SAMMSON: variants seen among roughly 807,000 people sequenced by gnomAD.
SAMMSON encodes the protein long intergenic non-protein coding RNA 1212.
intron 4 of SAMMSON, among the ~76,000 whole-genome samples, chr3:70,186,130 T>A (rs570874698): frequency 5.9e-5 from 9 of 152,344 alleles, no homozygotes; most frequent in Admixed American, 5.2e-4. Flanking sequence ...TCACAATGTA[T>A]GTCACACGAA....
intron 4 of SAMMSON, among the ~76,000 whole-genome samples, chr3:70,180,516 A>T (rs892585528): frequency 6.6e-6 from 1 of 152,136 alleles, no homozygotes; most frequent in Non-Finnish European, 1.5e-5. Context: ...GGCCTTAGAA[A>T]ACAGAAACCT....
chr3:70,008,329 T>A (rs926557907), intron 1 of SAMMSON, among the ~76,000 whole-genome samples: 11 of 152,162 alleles, frequency 7.2e-5, no homozygotes, highest in African/African-American at 2.7e-4. Context: ...CATTGAGCGG[T>A]GGTTTGTAGT....
At chr3:70,352,978 CA>C (rs1287003672) in intron 7 of SAMMSON, among the ~76,000 whole-genome samples, 6 of 151,844 alleles carry the variant, frequency 4.0e-5, no homozygotes, top group African/African-American at 7.2e-5. Context: ...TTCAATGGAA[CA>C]AAAAGATAAA....
intron 4 of SAMMSON, among the ~76,000 whole-genome samples, chr3:70,171,018 T>A (rs1576142879): frequency 6.6e-6 from 1 of 151,850 alleles, no homozygotes; most frequent in Admixed American, 6.6e-5. Context: ...ACATATGGAC[T>A]CAAGTAACTT....
chr3:70,220,861 G>C (rs1289076588), intron 4 of SAMMSON, among the ~76,000 whole-genome samples: 2 of 152,128 alleles, frequency 1.3e-5, no homozygotes, highest in African/African-American at 4.8e-5. Context: ...AGTTGTAAGT[G>C]TGTCTTTCCC....
intron 7 of SAMMSON, among the ~76,000 whole-genome samples, chr3:70,330,415 T>A (rs1265254715): frequency 6.6e-6 from 1 of 152,020 alleles, no homozygotes; most frequent in African/African-American, 2.4e-5. Context: ...AGACAAGCTA[T>A]CTTTATCTAT....
chr3:70,184,446 A>G (rs11917876), intron 4 of SAMMSON, among the ~76,000 whole-genome samples: 2,113 of 152,308 alleles, frequency 0.014, 52 homozygotes, highest in African/African-American at 0.048. Flanking sequence ...CTGAAATATT[A>G]TCACTTAGGT....
At chr3:70,086,888 G>A (rs2067287406) in intron 4 of SAMMSON, among the ~76,000 whole-genome samples, 1 of 152,126 alleles carries the variant, frequency 6.6e-6, no homozygotes, top group Non-Finnish European at 1.5e-5. Context: ...ACAATCCCAG[G>A]AGGCATTATT....
intron 9 of SAMMSON, among the ~76,000 whole-genome samples, chr3:70,373,865 T>A (rs908417102): frequency 2.0e-5 from 3 of 152,226 alleles, no homozygotes; most frequent in African/African-American, 7.2e-5. Context: ...AAAATTGTTT[T>A]AAGTATGTAC....
At chr3:70,000,833 T>C (rs1273876093) in intron 1 of SAMMSON, among the ~76,000 whole-genome samples, 1 of 152,168 alleles carries the variant, frequency 6.6e-6, no homozygotes, top group African/African-American at 2.4e-5. Context: ...TTAATATCAT[T>C]CAAATTATTT....
At chr3:70,066,420 G>A (rs1045293887) in intron 3 of SAMMSON, among the ~76,000 whole-genome samples, 4 of 151,936 alleles carry the variant, frequency 2.6e-5, no homozygotes, top group African/African-American at 7.2e-5. Flanking sequence ...TTTTCTTATA[G>A]GAAGAATGGG....
intron 4 of SAMMSON, among the ~76,000 whole-genome samples, chr3:70,111,621 A>G (rs752475964): frequency 2.6e-5 from 4 of 152,200 alleles, no homozygotes; most frequent in Non-Finnish European, 5.9e-5. Context: ...GTTTACAAAT[A>G]AGAGGACTGA....
intron 4 of SAMMSON, among the ~76,000 whole-genome samples, chr3:70,075,969 A>G (rs1464088683): frequency 6.6e-6 from 1 of 151,770 alleles, no homozygotes; most frequent in African/African-American, 2.4e-5. Flanking sequence ...ATAGCCAGGC[A>G]AAGCTTTCTG....
rs185611940 is a variant in SAMMSON at position 70,045,593 on chromosome 3, G to A, written n.418-25883G>A. On this transcript the variant is annotated intron_variant and non_coding_transcript_variant, in intron 3 of 9. Coordinates refer to ENST00000642114, the Ensembl canonical transcript of SAMMSON. ...TCTTAAAAATATATTTGCTTCTTCCGCCCCCACTCCTTTACCCCAAGGTCC... is the reference window on the plus strand; with the variant it reads ...TCTTAAAAATATATTTGCTTCTTCCACCCCCACTCCTTTACCCCAAGGTCC... 7.0e-3 allele frequency among the ~76,000 whole-genome samples: 1,068 copies of A among 151,528 alleles called. 44 individuals carry two copies. Among genetic ancestry groups the A allele is most frequent in the Non-Finnish European group, 2.5e-3 (169 of 67,858 alleles).
At chr3:70,251,852 A>T (rs1043217669) in intron 6 of SAMMSON, among the ~76,000 whole-genome samples, 1 of 152,182 alleles carries the variant, frequency 6.6e-6, no homozygotes, top group Non-Finnish European at 1.5e-5. Flanking sequence ...ACTCATAGAT[A>T]AGCAAGAAAG....
chr3:70,355,540 A>G (rs1231005871), intron 8 of SAMMSON, among the ~76,000 whole-genome samples: 1 of 152,190 alleles, frequency 6.6e-6, no homozygotes, highest in Non-Finnish European at 1.5e-5. Flanking sequence ...AATCAGTTTT[A>G]AAATTGGAAG....
rs143073873 is a variant in SAMMSON, at chr3:70,263,574, C to T, written n.674+13904C>T. On this transcript the variant is annotated intron_variant and non_coding_transcript_variant, in intron 6 of 9. Transcript: ENST00000642114. ...GACAGATCTCTAGTAGTTGTTCTTTCCCAGAAAGTTTGTCATGCCTAGCCT... is the reference window on the plus strand; with the variant it reads ...GACAGATCTCTAGTAGTTGTTCTTTTCCAGAAAGTTTGTCATGCCTAGCCT... Among the ~76,000 whole-genome samples, 23 of 152,232 alleles carry T rather than the reference C, an allele frequency of 1.5e-4. 2 individuals carry two copies. Among genetic ancestry groups the T allele is most frequent in the African/African-American group, 5.1e-4 (21 of 41,546 alleles).
intron 3 of SAMMSON, among the ~76,000 whole-genome samples, chr3:70,021,344 G>A (rs2067012695): frequency 6.6e-6 from 1 of 151,966 alleles, no homozygotes; most frequent in Admixed American, 6.6e-5. Flanking sequence ...GCCAGTATAT[G>A]GCCTCTTTTT....
chr3:70,003,044 C>A (rs1490803411), intron 1 of SAMMSON, among the ~76,000 whole-genome samples: 1 of 152,108 alleles, frequency 6.6e-6, no homozygotes, highest in Admixed American at 6.5e-5. Flanking sequence ...TTGTTAGGTG[C>A]ATACAAATTT....
Sources: gnomAD v4.1 joint callset for allele counts (sites outside exome capture counted in the v4.1 genomes callset) on GRCh38, gnomAD v4.1.1 for gene constraint, MANE v1.5 for transcripts, NCBI Gene and HGNC (gene_info 2026-07-23, HGNC 2026-07-21) for gene names.